EFCAB7: variants seen among roughly 807,000 people sequenced by gnomAD.
The protein encoded by EFCAB7 is EF-hand calcium-binding domain-containing protein 7.
A neutral mutation model predicts 77.1 loss-of-function variants in EFCAB7; 66 were observed. The ratio of observed to expected loss-of-function variants is 0.86; its 90% CI spans 0.70 to 1.05. The LOEUF (loss-of-function observed/expected upper bound fraction) is 1.05, where lower values mean the gene tolerates loss of function less well. Ranked by LOEUF, EFCAB7 falls within the 50% of genes least tolerant of loss-of-function variation. EFCAB7 has a pLI of 0.00. For missense variants in EFCAB7, 638 were observed against 730.5 expected (o/e 0.87, Z 1.46); for synonymous variants, 225 against 243.3 (o/e 0.92, Z 0.70).
the EFCAB7 span, among the ~76,000 whole-genome samples, chr1:63,581,704 A>T: frequency 1.3e-5 from 2 of 152,170 alleles, no homozygotes; most frequent in Admixed American, 6.5e-5. Flanking sequence ...AAATTGGAAA[A>T]TTTTTTGGAG....
At chr1:63,524,997 A>G (rs1481858850) in intron 1 of EFCAB7, among the ~76,000 whole-genome samples, 1 of 152,198 alleles carries the variant, frequency 6.6e-6, no homozygotes, top group Non-Finnish European at 1.5e-5. Flanking sequence ...TGCATTATTG[A>G]GATGTTAATG....
chr1:63,534,177 TA>T lies in EFCAB7; in HGVS notation c.767del (p.Asn256ThrfsTer6). Reference protein sequence around the residue: ...SFTVTMGANGNRNSKLMEPNL... With the variant: ...SFTVTMGANGXRNSKLMEPNL... Reference sequence around the variant, plus strand: ...TCACAGTTACCATGGGGGCTAATGGTAACCGAAACTCAAAGTTAATGGAGCC... The same window carrying T: ...TCACAGTTACCATGGGGGCTAATGGTACCGAAACTCAAAGTTAATGGAGCC... On this transcript the variant is annotated frameshift_variant, in exon 6 of 14. Transcript: ENST00000371088. LOFTEE classifies it high-confidence loss of function. 1 of 1,613,046 alleles carries T rather than the reference TA, an allele frequency of 6.2e-7. No homozygotes were observed. The highest frequency in any genetic ancestry group is 8.5e-7 in the Non-Finnish European group (1 of 1,179,352).
intron 6 of EFCAB7, 107 bp downstream of exon 6, chr1:63,534,323 A>ATT: frequency 1.0e-6 from 1 of 980,980 alleles, no homozygotes; most frequent in Non-Finnish European, 1.4e-6. Flanking sequence ...TTATGAAGTA[A>ATT]TTTGAGGTTT....
downstream of EFCAB7, among the ~76,000 whole-genome samples, chr1:63,575,849 A>G (rs967652553): frequency 6.6e-6 from 1 of 152,114 alleles, no homozygotes; most frequent in Non-Finnish European, 1.5e-5. Context: ...GGCCTCTCAA[A>G]GTGCTGAGAT....
the EFCAB7 span, among the ~76,000 whole-genome samples, chr1:63,581,097 C>T: frequency 1.3e-5 from 2 of 151,976 alleles, no homozygotes; most frequent in Admixed American, 6.6e-5. Flanking sequence ...CTAAGACTTC[C>T]CATTAAGATA....
At chr1:63,527,270 A>G (rs1335336136) in intron 2 of EFCAB7, among the ~76,000 whole-genome samples, 1 of 152,204 alleles carries the variant, frequency 6.6e-6, no homozygotes, top group Non-Finnish European at 1.5e-5. Flanking sequence ...CTGGGAGGAT[A>G]ACTATACAGT....
intron 10 of EFCAB7, among the ~76,000 whole-genome samples, chr1:63,559,424 T>C (rs1647068865): frequency 6.6e-6 from 1 of 152,192 alleles, no homozygotes. Context: ...GAGTGAATTA[T>C]TGATACATAA....
chr1:63,563,403 G>C (rs1647133379), intron 11 of EFCAB7, among the ~76,000 whole-genome samples: 1 of 152,216 alleles, frequency 6.6e-6, no homozygotes, highest in Non-Finnish European at 1.5e-5. Flanking sequence ...TACTATAAAG[G>C]AGAGCTATGC....
At position 63,571,224 on chromosome 1, in the gene EFCAB7, T is replaced by C. The variant is rs942813566; in HGVS notation, c.1815+96T>C. On this transcript the variant is annotated intron_variant, in intron 13 of 13. Coordinates refer to ENST00000371088, the MANE Select transcript of EFCAB7 (RefSeq NM_032437.4). ...AGTAAAATGTAAATATAAAATGGAGTGGAAAATTATTTTAAGTATGATATT... is the reference window on the plus strand; with the variant it reads ...AGTAAAATGTAAATATAAAATGGAGCGGAAAATTATTTTAAGTATGATATT... The C allele has an allele frequency of 1.6e-5, 12 of 758,148 alleles. No individual in the cohort carries two copies. In the African/African-American group the frequency reaches 2.0e-4, roughly 12 times the overall value. 47.0% of individuals were successfully genotyped at this position (758,148 alleles called of 1,614,324 possible).
chr1:63,574,607 G>A (rs942238090), downstream of EFCAB7, among the ~76,000 whole-genome samples: 11 of 152,162 alleles, frequency 7.2e-5, no homozygotes, highest in Non-Finnish European at 1.5e-4. Flanking sequence ...ATCAGCATAA[G>A]CATTGTCTTG....
At chr1:63,525,283 T>C (rs1426916312) in intron 1 of EFCAB7, among the ~76,000 whole-genome samples, 1 of 152,164 alleles carries the variant, frequency 6.6e-6, no homozygotes, top group African/African-American at 2.4e-5. Flanking sequence ...TTTTGGCTAT[T>C]ATCACATATT....
intron 9 of EFCAB7, 112 bp from the exon 10 acceptor site, chr1:63,557,002 C>T (rs1647038802): frequency 1.2e-6 from 1 of 830,048 alleles, no homozygotes; most frequent in Non-Finnish European, 1.7e-6. Context: ...CACGCCACTG[C>T]ACTCCAGCCT....
At chr1:63,561,886 G>T in intron 11 of EFCAB7, 29 bp downstream of exon 11, 1 of 1,496,996 alleles carries the variant, frequency 6.7e-7, no homozygotes, top group South Asian at 1.4e-5. Context: ...TTTGCCAATG[G>T]GTTTAATGTA....
intron 2 of EFCAB7, among the ~76,000 whole-genome samples, chr1:63,527,056 C>A (rs1570368876): frequency 1.3e-5 from 2 of 152,192 alleles, no homozygotes; most frequent in South Asian, 4.1e-4. Flanking sequence ...TGAGCCACCA[C>A]GCCTGGCCAA....
chr1:63,580,303 T>C, the EFCAB7 span, among the ~76,000 whole-genome samples: 1 of 152,212 alleles, frequency 6.6e-6, no homozygotes, highest in Non-Finnish European at 1.5e-5. Flanking sequence ...TATTCCAATA[T>C]CATCGGTTGA....
rs565333076 is a variant in EFCAB7, at chr1:63,565,817, G to C, written c.1498-2493G>C. On this transcript the variant is annotated intron_variant, in intron 11 of 13. Transcript: ENST00000371088. ...CAAATCAAAACCACATTTCACACCT[G>C]TCCAAATGGCTATTATTAAAAAGTC... Among the ~76,000 whole-genome samples the C allele has an allele frequency of 2.6e-5, 4 of 152,206 alleles. No homozygotes were observed. The East Asian group carries it at 7.7e-4, about 29-fold the overall frequency.
intron 2 of EFCAB7, among the ~76,000 whole-genome samples, chr1:63,526,136 G>A (rs1254071400): frequency 6.6e-6 from 1 of 152,162 alleles, no homozygotes; most frequent in Non-Finnish European, 1.5e-5. Context: ...TGTAAAAATG[G>A]GTGGAATGTC....
intron 11 of EFCAB7, among the ~76,000 whole-genome samples, chr1:63,567,281 TG>T (rs1647182071): frequency 6.6e-6 from 1 of 152,072 alleles, no homozygotes; most frequent in African/African-American, 2.4e-5. Context: ...GGTGAAACCT[TG>T]TCTCTACTAA....
intron 10 of EFCAB7, among the ~76,000 whole-genome samples, chr1:63,558,037 A>T (rs1474496943): frequency 6.6e-6 from 1 of 152,182 alleles, no homozygotes; most frequent in Non-Finnish European, 1.5e-5. Context: ...TAGGGTAGAG[A>T]AGTATATTAT....
Sources: allele counts gnomAD v4.1 joint callset (sites outside exome capture counted in the v4.1 genomes callset), GRCh38; gene constraint gnomAD v4.1.1; transcripts MANE v1.5; gene names NCBI Gene and HGNC (gene_info 2026-07-23, HGNC 2026-07-21).